Variants in SPOCK3 observed in about 807,000 individuals in gnomAD.
The protein encoded by SPOCK3 is testican-3.
A neutral mutation model predicts 56.6 loss-of-function variants in SPOCK3; 30 were observed. The ratio of observed to expected loss-of-function variants is 0.53; its 90% CI spans 0.40 to 0.72. The LOEUF is 0.72. Ranked by LOEUF, SPOCK3 falls within the 30% of genes least tolerant of loss-of-function variation. SPOCK3 has a pLI of 0.00. For missense variants in SPOCK3, 527 were observed against 530.0 expected, an observed-to-expected ratio of 0.99 and a Z score of 0.06; for synonymous variants, 196 against 183.3, an observed-to-expected ratio of 1.07 and a Z score of -0.56.
chr4:166,853,025 A>G (rs990681734), intron 6 of SPOCK3, among the ~76,000 whole-genome samples: 2 of 152,062 alleles, frequency 1.3e-5, no homozygotes, highest in Admixed American at 1.3e-4. Context: ...TAGGCTGGTT[A>G]TTTTCTTCTT....
intron 6 of SPOCK3, among the ~76,000 whole-genome samples, chr4:166,798,474 C>T (rs1742203599): frequency 6.6e-6 from 1 of 152,106 alleles, no homozygotes; most frequent in Non-Finnish European, 1.5e-5. Context: ...TTATTGCTCC[C>T]CAGGCAGGCA....
intron 2 of SPOCK3, among the ~76,000 whole-genome samples, chr4:167,200,176 A>G (rs1043904758): frequency 6.6e-6 from 1 of 152,130 alleles, no homozygotes; most frequent in African/African-American, 2.4e-5. Context: ...TTCAGGATAC[A>G]AAAGATAAAA....
rs1402882281 is a variant in SPOCK3 at position 167,088,954 on chromosome 4, A to G, written c.190-26417T>C. Among the ~76,000 whole-genome samples, 8 of 152,242 alleles carry G rather than the reference A, an allele frequency of 5.3e-5. No individual in the cohort carries two copies. The South Asian group carries it at 1.5e-3, about 28-fold the overall frequency. Reference sequence around the variant, plus strand: ...ATAAAGAACTAATCAATCATTCTTCATCATAGATGTGGTTATTGCATATGT... The same window carrying G: ...ATAAAGAACTAATCAATCATTCTTCGTCATAGATGTGGTTATTGCATATGT... On this transcript the variant is annotated intron_variant, in intron 2 of 10. Transcript: ENST00000357545.
intron 5 of SPOCK3, among the ~76,000 whole-genome samples, chr4:166,901,561 C>T (rs955286254): frequency 6.6e-6 from 1 of 152,174 alleles, no homozygotes; most frequent in African/African-American, 2.4e-5. Context: ...AGGTCAGTCA[C>T]AGTCCACTGA....
intron 6 of SPOCK3, among the ~76,000 whole-genome samples, chr4:166,873,516 T>C (rs1052182543): frequency 2.6e-5 from 4 of 152,132 alleles, no homozygotes; most frequent in Non-Finnish European, 4.4e-5. Context: ...ATGGGTTATA[T>C]GTTAAATCGC....
intron 4 of SPOCK3, among the ~76,000 whole-genome samples, chr4:166,941,164 G>C (rs557636943): frequency 6.6e-6 from 1 of 151,994 alleles, no homozygotes; most frequent in African/African-American, 2.4e-5. Flanking sequence ...CAGAAGCTAG[G>C]CCAATCAATT....
rs1424027480 is a variant in SPOCK3 at position 166,951,351 on chromosome 4, C to G, written c.351-38608G>C. 1.2e-4 allele frequency among the ~76,000 whole-genome samples: 17 copies of G among 136,882 alleles called. 3 individuals are homozygous for G. The highest frequency in any genetic ancestry group is 4.9e-4 in the African/African-American group (16 of 32,614). 89.8% of individuals were successfully genotyped at this position (136,882 alleles called of 152,430 possible). On this transcript the variant is annotated intron_variant, in intron 4 of 10. Transcript: ENST00000357545. The stretch of plus-strand genomic sequence containing the variant: ...ATCTAGAAGAAATGGATAAATTCCT[C>G]GACACATACACTCTCCCAAGACTAA...
At chr4:167,176,833 G>A (rs1032553803) in intron 2 of SPOCK3, among the ~76,000 whole-genome samples, 2 of 152,108 alleles carry the variant, frequency 1.3e-5, no homozygotes, top group African/African-American at 2.4e-5. Context: ...AGTGGTTCAC[G>A]GGGGCAGAGA....
chr4:166,744,704 G>A (rs1735340456), intron 8 of SPOCK3, among the ~76,000 whole-genome samples: 1 of 152,112 alleles, frequency 6.6e-6, no homozygotes, highest in Non-Finnish European at 1.5e-5. Context: ...AAGGGAGGAT[G>A]TTCGAACCCA....
intron 6 of SPOCK3, among the ~76,000 whole-genome samples, chr4:166,824,057 AC>A (rs1745204917): frequency 6.6e-6 from 1 of 151,896 alleles, no homozygotes; most frequent in Non-Finnish European, 1.5e-5. Flanking sequence ...GAGTGACATC[AC>A]CAAGACGGGT....
At chr4:166,928,969 AAAC>A (rs144684053) in intron 4 of SPOCK3, among the ~76,000 whole-genome samples, 6,482 of 151,688 alleles carry the variant, frequency 0.043, 535 homozygotes, top group East Asian at 0.39. Context: ...CTCTGCCTCA[AAAC>A]AACAACAACA....
In SPOCK3 at chr4:166,740,517, A is replaced by T. The variant is rs1011024234; in HGVS notation, c.994+1480T>A. 7.2e-3 allele frequency among the ~76,000 whole-genome samples: 363 copies of T among 50,520 alleles called. 3 individuals are homozygous for T. Among genetic ancestry groups the T allele is most frequent in the African/African-American group, 0.034 (338 of 9,934 alleles). The allele number at this position is 50,520 out of a possible 152,430, so 33.1% of individuals were successfully genotyped here. ...ACTTATTATTATTATTATTATTATT[A>T]TTATTATTATTATCATTATTATTTC... On this transcript the variant is annotated intron_variant, in intron 9 of 10. Transcript: ENST00000357545.
chr4:166,883,686 C>T (rs1733903501), intron 6 of SPOCK3, among the ~76,000 whole-genome samples: 1 of 152,162 alleles, frequency 6.6e-6, no homozygotes, highest in African/African-American at 2.4e-5. Context: ...TAGCTCACAT[C>T]AAGGGCCAAG....
chr4:167,214,226 A>T (rs7658246), intron 2 of SPOCK3, among the ~76,000 whole-genome samples: 30,410 of 152,048 alleles, frequency 0.2, 3,665 homozygotes, highest in African/African-American at 0.33. Context: ...ATGGTTTCAG[A>T]ATTGTATTTG....
At chr4:166,912,050 C>A (rs1002820884) in intron 5 of SPOCK3, among the ~76,000 whole-genome samples, 3 of 151,938 alleles carry the variant, frequency 2.0e-5, no homozygotes, top group African/African-American at 7.2e-5. Flanking sequence ...GTAAAAATCC[C>A]AAAATATTTT....
chr4:167,075,787 G>C (rs1164114106), intron 2 of SPOCK3, among the ~76,000 whole-genome samples: 1 of 151,802 alleles, frequency 6.6e-6, no homozygotes, highest in Non-Finnish European at 1.5e-5. Context: ...GACTACAAGT[G>C]CACACCACCA....
intron 4 of SPOCK3, among the ~76,000 whole-genome samples, chr4:166,994,218 C>T (rs1748115124): frequency 1.3e-5 from 2 of 152,126 alleles, no homozygotes; most frequent in Non-Finnish European, 2.9e-5. Flanking sequence ...TAATAGCTAA[C>T]CCTATCATAA....
At chr4:166,898,321 G>C (rs1252652102) in intron 5 of SPOCK3, among the ~76,000 whole-genome samples, 2 of 152,122 alleles carry the variant, frequency 1.3e-5, no homozygotes, top group Admixed American at 1.3e-4. Flanking sequence ...TTGTTATCTT[G>C]ACAATGGGCT....
intron 5 of SPOCK3, among the ~76,000 whole-genome samples, chr4:166,895,746 G>A (rs1735309317): frequency 6.6e-6 from 1 of 152,138 alleles, no homozygotes; most frequent in South Asian, 2.1e-4. Flanking sequence ...CATGTGAAAT[G>A]ATCAATGGTC....
Sources: allele counts gnomAD v4.1 joint callset (sites outside exome capture counted in the v4.1 genomes callset), GRCh38; gene constraint gnomAD v4.1.1; transcripts MANE v1.5; gene names NCBI Gene and HGNC (gene_info 2026-07-23, HGNC 2026-07-21).